Variants in HHIPL1 observed in about 807,000 individuals in gnomAD.
HHIPL1 encodes HHIP like 1.
In HHIPL1, 43 loss-of-function variants were observed where a neutral mutation model predicts 61.8. The observed-to-expected ratio is 0.70, with a 90% confidence interval of 0.55 to 0.90. The LOEUF is 0.90. Ranked by LOEUF, HHIPL1 falls within the 40% of genes least tolerant of loss-of-function variation. The pLI is 0.00. For synonymous variants in HHIPL1, 482 were observed against 515.8 expected (o/e 0.93, Z 0.89); for missense variants, 1,056 against 1,157.7 (o/e 0.91, Z 1.28).
At chr14:99,636,126 G>A in the HHIPL1 span, among the ~76,000 whole-genome samples, 1 of 152,188 alleles carries the variant, frequency 6.6e-6, no homozygotes, top group Non-Finnish European at 1.5e-5. Context: ...ACCTCTCTGT[G>A]CTTCAGCTTC....
the HHIPL1 span, among the ~76,000 whole-genome samples, chr14:99,607,785 C>G: frequency 6.6e-6 from 1 of 150,738 alleles, no homozygotes; most frequent in Admixed American, 6.6e-5. Context: ...TCTGAGGCTT[C>G]ATTTTGAAGG....
At chr14:99,607,021 C>CTTTTTTT in the HHIPL1 span, among the ~76,000 whole-genome samples, 2,266 of 68,410 alleles carry the variant, frequency 0.033, 402 homozygotes, top group Admixed American at 0.045. Flanking sequence ...GTGACTTTGC[C>CTTTTTTT]TTTTTTTTTT....
Position 99,660,129 on chromosome 14 carries a change from GC to G in HHIPL1, c.1376-149del. 8.9e-6 allele frequency: 6 copies of G among 671,334 alleles called. No individual in the cohort carries two copies. Among genetic ancestry groups the G allele is most frequent in the South Asian group, 7.7e-5 (3 of 38,834 alleles). 41.6% of individuals were successfully genotyped at this position (671,334 alleles called of 1,614,324 possible). A position where few individuals can be genotyped will look rare whatever the true frequency, so the allele number is the denominator to read the frequency against. On this transcript the variant is annotated intron_variant, in intron 4 of 8. Coordinates refer to ENST00000330710, the MANE Select transcript of HHIPL1 (RefSeq NM_001127258.3). The surrounding 1 kb of genome is among the most constrained non-coding windows in gnomAD (Gnocchi z 4.9). ...CCCCTGCAGACACGCTTTCCACCAC[GC>G]CAGCCCTGCTGTGGGCACGCCAGCC... is the stretch of plus-strand genomic sequence containing the variant.
In HHIPL1 at chr14:99,645,356, A is replaced by G. The variant is rs2140047852; in HGVS notation, c.149A>G (p.Glu50Gly). 1 of 1,449,046 alleles carries G rather than the reference A, an allele frequency of 6.9e-7. No homozygotes were observed. Among genetic ancestry groups the G allele is most frequent in the Non-Finnish European group, 9.0e-7 (1 of 1,105,032 alleles). The allele number at this position is 1,449,046 out of a possible 1,614,324, so 89.8% of individuals were successfully genotyped here. The change falls in exon 1 of 9, where the codon GAG becomes GGG. Residue 50 changes from glutamate to glycine, a missense_variant. Transcript: ENST00000330710. The stretch of plus-strand genomic sequence containing the variant: ...TACTCGGACTTCGGCTGCTGCGATG[A>G]GGGGCGCGACGCCGAGCTGACCCGC... ...AQYSDFGCCDEGRDAELTRRF... is the reference protein window; with the variant it reads ...AQYSDFGCCDGGRDAELTRRF...
chr14:99,621,709 C>CTTTT, the HHIPL1 span, among the ~76,000 whole-genome samples: 948 of 84,436 alleles, frequency 0.011, 27 homozygotes, highest in Non-Finnish European at 0.014. Context: ...CTTTTCTTTT[C>CTTTT]TTTTTTTTTT....
chr14:99,660,630 C>T lies in HHIPL1; in HGVS notation c.1502+224C>T, dbSNP rs895128704. Among the ~76,000 whole-genome samples, 4 of 152,216 alleles carry T rather than the reference C, an allele frequency of 2.6e-5. No individual in the cohort carries two copies. Among genetic ancestry groups the T allele is most frequent in the Non-Finnish European group, 5.9e-5 (4 of 68,020 alleles). On this transcript the variant is annotated intron_variant, in intron 5 of 8. Transcript: ENST00000330710. The surrounding 1 kb of genome is among the most constrained non-coding windows in gnomAD (Gnocchi z 4.9). ...CCTCAGTACCTCTATGATAGACACACAACTCATGGCATTAAAGACTGGAGG... is the reference window on the plus strand; with the variant it reads ...CCTCAGTACCTCTATGATAGACACATAACTCATGGCATTAAAGACTGGAGG...
the HHIPL1 span, among the ~76,000 whole-genome samples, chr14:99,619,677 G>C: frequency 6.6e-6 from 1 of 152,004 alleles, no homozygotes; most frequent in African/African-American, 2.4e-5. Flanking sequence ...CAAAGTTCAG[G>C]AAGCCTAGAG....
chr14:99,613,920 TAAATAAAATAA>T, the HHIPL1 span, among the ~76,000 whole-genome samples: 48 of 151,864 alleles, frequency 3.2e-4, no homozygotes, highest in African/African-American at 1.1e-3. Flanking sequence ...CAAAAATAAA[TAAATAAAATAA>T]AAATAAAATT....
intron 8 of HHIPL1, among the ~76,000 whole-genome samples, chr14:99,673,024 A>G (rs545050251): frequency 1.3e-5 from 2 of 152,350 alleles, no homozygotes; most frequent in Non-Finnish European, 2.9e-5. Flanking sequence ...TCGCCTTCTC[A>G]GCCTGTTAGG....
the HHIPL1 span, among the ~76,000 whole-genome samples, chr14:99,637,514 G>A: frequency 6.6e-6 from 1 of 151,898 alleles, no homozygotes. Flanking sequence ...GGAGGTTGCA[G>A]TGAGCTGAGA....
rs2056397981 is a variant in HHIPL1, at chr14:99,676,883, A to AAC, written c.*1258_*1259insCA. The AAC allele has an allele frequency of 1.3e-5, 2 of 151,882 alleles. No individual in the cohort carries two copies. Among genetic ancestry groups the AAC allele is most frequent in the East Asian group, 3.9e-4 (2 of 5,140 alleles). 9.4% of individuals were successfully genotyped at this position (151,882 alleles called of 1,614,324 possible). On this transcript the variant is annotated 3_prime_UTR_variant, in exon 9 of 9. Transcript: ENST00000330710. ...ATGGGAGCACGGGTGGGGGGTGGGT[A>AAC]AGCAGATGAGTCACCAGGCAGTGAA...
intron 8 of HHIPL1, among the ~76,000 whole-genome samples, chr14:99,672,857 G>T (rs569512017): frequency 5.8e-4 from 89 of 152,290 alleles, no homozygotes; most frequent in African/African-American, 1.7e-3. Context: ...CCCCAGGCTG[G>T]GGCTGTTCCC....
Position 99,652,392 on chromosome 14 carries a change from C to G in HHIPL1, c.424C>G (p.Leu142Val), listed in dbSNP as rs1002819776. 1.9e-6 allele frequency: 3 copies of G among 1,614,224 alleles called. No homozygotes were observed. The highest frequency in any genetic ancestry group is 2.5e-6 in the Non-Finnish European group (3 of 1,180,050). ...GGAGCTCTGGGCGCTGGAGGGCAAC[C>G]TTGCCAGGTTCTGCCGCTACCTGTC... is the stretch of plus-strand genomic sequence containing the variant. ...DQELWALEGN[L>V]ARFCRYLSLD... The change falls in exon 2 of 9, where the codon CTT becomes GTT. Residue 142 changes from leucine to valine, a missense_variant. By Grantham distance (32) the Leu-to-Val change is conservative. Coordinates refer to ENST00000330710, the MANE Select transcript of HHIPL1 (RefSeq NM_001127258.3).
chr14:99,637,979 G>A, the HHIPL1 span, among the ~76,000 whole-genome samples: 8 of 152,260 alleles, frequency 5.3e-5, no homozygotes, highest in East Asian at 3.9e-4. Flanking sequence ...ACAGTTCTTC[G>A]TGTTTTAAAA....
chr14:99,662,244 G>C (rs2056163993), intron 5 of HHIPL1, among the ~76,000 whole-genome samples: 1 of 152,168 alleles, frequency 6.6e-6, no homozygotes, highest in African/African-American at 2.4e-5. Flanking sequence ...GTGTCGGGGA[G>C]CCCAGCATGG....
chr14:99,664,371 C>G (rs1566814585), intron 6 of HHIPL1, among the ~76,000 whole-genome samples: 1 of 152,218 alleles, frequency 6.6e-6, no homozygotes, highest in Non-Finnish European at 1.5e-5. Flanking sequence ...AAAGCCCTTT[C>G]TTTTGGTCAG....
upstream of HHIPL1, among the ~76,000 whole-genome samples, chr14:99,642,685 C>T (rs1005089453): frequency 1.9e-4 from 29 of 152,000 alleles, no homozygotes; most frequent in African/African-American, 6.8e-4. Flanking sequence ...ATCACCATGC[C>T]CGGCTAAATT....
At chr14:99,662,461 A>G (rs1413196616) in intron 5 of HHIPL1, among the ~76,000 whole-genome samples, 1 of 152,202 alleles carries the variant, frequency 6.6e-6, no homozygotes, top group East Asian at 1.9e-4. Flanking sequence ...GCTGGATTGC[A>G]TTCAGCGGGC....
intron 3 of HHIPL1, among the ~76,000 whole-genome samples, chr14:99,658,218 A>C (rs1303915557): frequency 6.6e-6 from 1 of 152,190 alleles, no homozygotes; most frequent in African/African-American, 2.4e-5. Flanking sequence ...AGAAAACAGA[A>C]ATTAAGGATT....
Sources: allele counts gnomAD v4.1 joint callset (sites outside exome capture counted in the v4.1 genomes callset), GRCh38; gene constraint gnomAD v4.1.1; non-coding constraint Gnocchi (gnomAD v3.1); transcripts MANE v1.5; gene names NCBI Gene and HGNC (gene_info 2026-07-23, HGNC 2026-07-21).